RABGEF1: variants seen among roughly 807,000 people sequenced by gnomAD.
The protein encoded by RABGEF1 is rab5 GDP/GTP exchange factor.
RABGEF1 carries 26 observed loss-of-function variants against 57.3 expected under a neutral mutation model. The observed-to-expected ratio is 0.45, with a 90% CI of 0.33 to 0.63. The LOEUF is 0.63. Among genes scored for constraint, RABGEF1 ranks in the 20% least tolerant of loss-of-function variants. The pLI is 0.02. For missense variants in RABGEF1, 464 were observed against 607.6 expected (o/e 0.76, Z 2.48); for synonymous variants, 185 against 210.7 (o/e 0.88, Z 1.06).
chr7:66,667,094 T>C, the RABGEF1 span, among the ~76,000 whole-genome samples: 1 of 152,038 alleles, frequency 6.6e-6, no homozygotes. Flanking sequence ...GTGGAGGGGA[T>C]TTGAAATAAT....
intron 2 of RABGEF1, among the ~76,000 whole-genome samples, chr7:66,731,985 C>G (rs1585003909): frequency 6.6e-6 from 1 of 152,196 alleles, no homozygotes; most frequent in Non-Finnish European, 1.5e-5. Flanking sequence ...GGACGATGAT[C>G]TGGGGAGGAG....
intron 1 of RABGEF1, among the ~76,000 whole-genome samples, chr7:66,746,518 T>C (rs2129055324): frequency 6.6e-6 from 1 of 151,926 alleles, no homozygotes; most frequent in Middle Eastern, 3.4e-3. Context: ...CTCGAACTCC[T>C]GACCTCGTGA....
chr7:66,775,579 C>T (rs1808325483), intron 3 of RABGEF1, among the ~76,000 whole-genome samples, 186 bp downstream of exon 3: 1 of 152,082 alleles, frequency 6.6e-6, no homozygotes, highest in East Asian at 1.9e-4. Flanking sequence ...GGTTGAAAGA[C>T]ATTGTGTTTT....
intron 1 of RABGEF1, among the ~76,000 whole-genome samples, chr7:66,760,128 T>C (rs1246175633): frequency 6.6e-6 from 1 of 152,168 alleles, no homozygotes; most frequent in East Asian, 1.9e-4. Context: ...ATGTGCATCA[T>C]TTGAGCAACT....
At chr7:66,701,816 T>C (rs745792782) in intron 1 of RABGEF1, among the ~76,000 whole-genome samples, 4 of 152,322 alleles carry the variant, frequency 2.6e-5, no homozygotes, top group Non-Finnish European at 4.4e-5. Flanking sequence ...ACAAGTTCTT[T>C]ATCAGATATA....
At chr7:66,739,706 T>C (rs1798523759), upstream of RABGEF1, 1 of 149,696 alleles carries the variant, frequency 6.7e-6, no homozygotes, top group East Asian at 2.0e-4. Flanking sequence ...TTACGCAACC[T>C]GTCCAAGAAC....
upstream of RABGEF1, chr7:66,739,685 A>G: frequency 8.5e-6 from 1 of 118,248 alleles, no homozygotes; most frequent in South Asian, 2.6e-4. Flanking sequence ...AAAAAAAAAT[A>G]GACTGAAAAA....
intron 1 of RABGEF1, among the ~76,000 whole-genome samples, chr7:66,708,800 A>C (rs1274263920): frequency 6.6e-6 from 1 of 152,118 alleles, no homozygotes. Context: ...TGACAGAGCA[A>C]GACCCTGTCT....
At chr7:66,756,862 C>T (rs1198730173) in intron 1 of RABGEF1, among the ~76,000 whole-genome samples, 1 of 152,142 alleles carries the variant, frequency 6.6e-6, no homozygotes, top group East Asian at 1.9e-4. Flanking sequence ...ATTTCCCCTT[C>T]CCCTCCTTCT....
intron 1 of RABGEF1, among the ~76,000 whole-genome samples, chr7:66,750,044 G>A (rs148848235): frequency 5.3e-5 from 8 of 152,240 alleles, no homozygotes; most frequent in Non-Finnish European, 8.8e-5. Context: ...GGTGTCTCAC[G>A]AGATAATACG....
intron 2 of RABGEF1, 81 bp downstream of exon 2, chr7:66,772,159 A>C: frequency 8.6e-7 from 1 of 1,166,382 alleles, no homozygotes. Flanking sequence ...ACATTTTTTC[A>C]CTTCTGCTTT....
intron 3 of RABGEF1, among the ~76,000 whole-genome samples, chr7:66,776,797 G>A (rs1292895705): frequency 2.0e-5 from 3 of 152,214 alleles, no homozygotes; most frequent in African/African-American, 4.8e-5. Flanking sequence ...AAAAAGGGGG[G>A]AAAAATTAGT....
At chr7:66,747,798 C>T (rs1800585274) in intron 1 of RABGEF1, among the ~76,000 whole-genome samples, 1 of 152,060 alleles carries the variant, frequency 6.6e-6, no homozygotes, top group Non-Finnish European at 1.5e-5. Context: ...TCTTATTGTG[C>T]TATAATTTTT....
At chr7:66,709,756 CAA>C (rs1453027509) in intron 1 of RABGEF1, among the ~76,000 whole-genome samples, 1 of 152,052 alleles carries the variant, frequency 6.6e-6, no homozygotes, top group East Asian at 1.9e-4. Flanking sequence ...GCCTGGGTGA[CAA>C]GAGCAAAACT....
intron 1 of RABGEF1, among the ~76,000 whole-genome samples, chr7:66,697,493 T>TCC (rs1313621999): frequency 9.2e-5 from 14 of 151,970 alleles, no homozygotes; most frequent in Admixed American, 8.5e-4. Flanking sequence ...CCAGCTCCCC[T>TCC]CCCTTCCCTT....
At chr7:66,734,597 ATTTTT>A (rs550927387) in intron 2 of RABGEF1, among the ~76,000 whole-genome samples, 5 of 119,750 alleles carry the variant, frequency 4.2e-5, no homozygotes, top group African/African-American at 9.5e-5. Context: ...TGCCTGGCTA[ATTTTT>A]TTTTTTTTTT....
At chr7:66,667,325 C>T in the RABGEF1 span, 1 of 152,464 alleles carries the variant, frequency 6.6e-6, no homozygotes, top group African/African-American at 2.4e-5. Flanking sequence ...CTGTGCACAG[C>T]CACTCATATC....
intron 3 of RABGEF1, among the ~76,000 whole-genome samples, chr7:66,777,466 T>C (rs1232223713): frequency 8.6e-5 from 13 of 151,592 alleles, no homozygotes; most frequent in Admixed American, 8.5e-4. Flanking sequence ...ATAATATATA[T>C]ATATGAAATT....
the RABGEF1 span, chr7:66,666,254 G>A: frequency 6.6e-6 from 1 of 152,234 alleles, no homozygotes; most frequent in Non-Finnish European, 1.5e-5. Context: ...ATGGGGAAGG[G>A]ACCACAGTGG....
Sources: allele counts gnomAD v4.1 joint callset (sites outside exome capture counted in the v4.1 genomes callset), GRCh38; gene constraint gnomAD v4.1.1; transcripts MANE v1.5; gene names NCBI Gene and HGNC (gene_info 2026-07-23, HGNC 2026-07-21).